Variants in SVOP observed in about 807,000 individuals in gnomAD.
SVOP encodes synaptic vesicle 2-related protein.
SVOP carries 17 observed loss-of-function variants against 69.1 expected under a neutral mutation model. The ratio of observed to expected loss-of-function variants is 0.25; its 90% confidence interval spans 0.17 to 0.37. SVOP has a LOEUF of 0.37. SVOP is among the 10% of genes least tolerant of loss of function. The probability of loss-of-function intolerance (pLI) is 1.00; values close to 1 mark genes in which losing one functional copy is unlikely to be tolerated. For missense variants in SVOP, 435 were observed against 597.5 expected, an observed-to-expected ratio of 0.73 and a Z score of 2.84; for synonymous variants, 238 against 238.6, an observed-to-expected ratio of 1.00 and a Z score of 0.02.
Position 109,009,124 on chromosome 12 carries a change from G to A in SVOP, c.35+11710C>T, listed in dbSNP as rs2040327067. On this transcript the variant is annotated intron_variant, in intron 1 of 15. Coordinates refer to ENST00000610966, the MANE Select transcript of SVOP (RefSeq NM_018711.5). ...TTACAGGCGCGAGCCACAACGCCTG[G>A]CTAATTTTTATATTTTTAGTAGAGA... Among the ~76,000 whole-genome samples the A allele has an allele frequency of 5.3e-5, 8 of 151,766 alleles. 1 individual carries two copies. The South Asian group carries it at 1.7e-3, about 32-fold the overall frequency.
At chr12:108,950,990 A>C (rs918670013) in intron 6 of SVOP, among the ~76,000 whole-genome samples, 2 of 152,248 alleles carry the variant, frequency 1.3e-5, no homozygotes, top group Non-Finnish European at 2.9e-5. Flanking sequence ...TGGCATAAAT[A>C]AATTCCCACT....
intron 6 of SVOP, among the ~76,000 whole-genome samples, chr12:108,949,775 G>A (rs143608785): frequency 2.7e-5 from 4 of 149,862 alleles, no homozygotes; most frequent in East Asian, 2.0e-4. Context: ...GCATGTCCAC[G>A]CATGCCAGTC....
intron 1 of SVOP, among the ~76,000 whole-genome samples, chr12:108,996,242 G>A (rs1011858887): frequency 1.3e-5 from 2 of 152,076 alleles, no homozygotes; most frequent in Non-Finnish European, 2.9e-5. Context: ...CTGTGAGCTA[G>A]GTCCTCAATA....
chr12:109,002,907 A>G (rs1204573244), intron 1 of SVOP, among the ~76,000 whole-genome samples: 1 of 151,864 alleles, frequency 6.6e-6, no homozygotes, highest in Non-Finnish European at 1.5e-5. Flanking sequence ...ATGTATACAT[A>G]TGTAACTAAC....
At position 109,021,013 on chromosome 12, in the gene SVOP, G is replaced by T. The variant is rs571367901; in HGVS notation, c.-145C>A. 5.4e-5 allele frequency: 31 copies of T among 574,578 alleles called. No homozygotes were observed. In the East Asian group the frequency reaches 7.6e-4, roughly 14 times the overall value. The allele number at this position is 574,578 out of a possible 1,614,324, so 35.6% of individuals were successfully genotyped here. ...GCAGCAGCTGTTCGGGGAGGGAGCC[G>T]CTGGGGACCAGCCCACGAGACAAAG... On this transcript the variant is annotated 5_prime_UTR_variant, in exon 1 of 16. Transcript: ENST00000610966.
chr12:108,949,774 C>T (rs1325704801), intron 6 of SVOP, among the ~76,000 whole-genome samples: 2 of 151,804 alleles, frequency 1.3e-5, no homozygotes, highest in South Asian at 2.1e-4. Context: ...AGCATGTCCA[C>T]GCATGCCAGT....
intron 1 of SVOP, among the ~76,000 whole-genome samples, chr12:109,001,241 C>T (rs2040267577): frequency 1.1e-5 from 1 of 93,570 alleles, no homozygotes; most frequent in South Asian, 5.1e-4. Flanking sequence ...CCTAGGAATC[C>T]AACTTACAAG....
chr12:108,956,670 T>C (rs1236341568), intron 6 of SVOP, among the ~76,000 whole-genome samples: 2 of 152,188 alleles, frequency 1.3e-5, no homozygotes, highest in Non-Finnish European at 2.9e-5. Context: ...AAGGTCTCAG[T>C]CACCACCATC....
In SVOP at chr12:108,934,105, G is replaced by A. The variant is rs2039841239; in HGVS notation, c.1048+90C>T. ...AGTAGTACAAGGCCAATCCCTTAAG[G>A]GCAGAGCCTGGGGTGGGAGTGTGTG... On this transcript the variant is annotated intron_variant, in intron 11 of 15. Coordinates refer to ENST00000610966, the MANE Select transcript of SVOP (RefSeq NM_018711.5). The A allele has an allele frequency of 5.1e-6, 6 of 1,168,254 alleles. No homozygotes were observed. In the East Asian group the frequency reaches 1.0e-4, roughly 20 times the overall value. The allele number at this position is 1,168,254 out of a possible 1,614,324, so 72.4% of individuals were successfully genotyped here. A position where few individuals can be genotyped will look rare whatever the true frequency, so the allele number is the denominator to read the frequency against.
chr12:108,992,643 T>C (rs746157971), intron 1 of SVOP, among the ~76,000 whole-genome samples: 1 of 152,106 alleles, frequency 6.6e-6, no homozygotes, highest in Non-Finnish European at 1.5e-5. Flanking sequence ...AAGAAGCTAG[T>C]CACAAAAGCT....
chr12:108,953,710 T>C (rs1360871412), intron 6 of SVOP, among the ~76,000 whole-genome samples: 1 of 152,214 alleles, frequency 6.6e-6, no homozygotes, highest in Non-Finnish European at 1.5e-5. Flanking sequence ...ATTATTTTTA[T>C]GTAAGTGGAT....
chr12:108,990,856 C>T (rs1316339367), intron 1 of SVOP, among the ~76,000 whole-genome samples: 6 of 152,166 alleles, frequency 3.9e-5, no homozygotes, highest in South Asian at 2.1e-4. Flanking sequence ...GGCTGGGCCC[C>T]GCCCCCAGAA....
intron 1 of SVOP, among the ~76,000 whole-genome samples, chr12:109,005,156 T>C (rs770230955): frequency 6.6e-6 from 1 of 152,192 alleles, no homozygotes; most frequent in African/African-American, 2.4e-5. Flanking sequence ...AAGCTGTGAT[T>C]ATCTGTGTGT....
At chr12:108,961,952 C>T (rs1403727739) in intron 5 of SVOP, among the ~76,000 whole-genome samples, 1 of 152,118 alleles carries the variant, frequency 6.6e-6, no homozygotes, top group Non-Finnish European at 1.5e-5. Context: ...CAAAGTATAA[C>T]TGTACTGAGT....
At chr12:109,020,387 T>C (rs1441288140) in intron 1 of SVOP, among the ~76,000 whole-genome samples, 1 of 152,176 alleles carries the variant, frequency 6.6e-6, no homozygotes, top group East Asian at 1.9e-4. Flanking sequence ...TCAACCAGTT[T>C]GCAGCATCAG....
rs555152707 is a variant in SVOP, at chr12:108,922,772, C to G, written c.1074G>C (p.Glu358Asp). ...ACTCGCAGGCCAGGCTGCATTTTGC[C>G]TCTACAGCCTTCTTCCGACTGGAGA... ...CGISSRKKAV[E>D]AKCSLACEYL... is the part of the protein sequence containing the mutation. Residue 358 changes from glutamate (E) to aspartate (D), a missense_variant, in exon 12 of 16, where the codon GAG becomes GAC. Glu to Asp is a conservative substitution (Grantham distance 45, BLOSUM62 2). Transcript: ENST00000610966. 11 of 1,609,874 alleles carry G rather than the reference C, an allele frequency of 6.8e-6. No homozygotes were observed. The highest frequency in any genetic ancestry group is 1.3e-5 in the African/African-American group (1 of 74,968).
intron 1 of SVOP, among the ~76,000 whole-genome samples, chr12:108,986,442 G>A (rs2040166220): frequency 6.6e-6 from 1 of 152,242 alleles, no homozygotes; most frequent in South Asian, 2.1e-4. Flanking sequence ...GATATTTCAA[G>A]CATATAAAAT....
At position 108,938,859 on chromosome 12, in the gene SVOP, T is replaced by G. The variant is rs776439137; in HGVS notation, c.865A>C (p.Met289Leu). The G allele has an allele frequency of 1.2e-6, 2 of 1,614,028 alleles. No individual in the cohort carries two copies. The highest frequency in any genetic ancestry group is 2.2e-5 in the East Asian group (1 of 44,880). ...KRIATENGAP[M>L]PLGKLIISRQ... ...GAGATGATGAGTTTCCCCAGCGGCA[T>G]GGGAGCTCCGTTTTCAGTTGCTATC... The change falls in exon 9 of 16, where the codon ATG (methionine) becomes CTG (leucine). Residue 289 changes from methionine (M) to leucine (L), a missense_variant. Coordinates refer to ENST00000610966, the MANE Select transcript of SVOP (RefSeq NM_018711.5).
intron 2 of SVOP, among the ~76,000 whole-genome samples, chr12:108,980,527 T>G (rs2137436058): frequency 6.6e-6 from 1 of 152,188 alleles, no homozygotes; most frequent in African/African-American, 2.4e-5. Flanking sequence ...GGCGAGCAGA[T>G]CACCTGAGGC....
Sources: allele counts gnomAD v4.1 joint callset (sites outside exome capture counted in the v4.1 genomes callset), GRCh38; gene constraint gnomAD v4.1.1; transcripts MANE v1.5; gene names NCBI Gene and HGNC (gene_info 2026-07-23, HGNC 2026-07-21).